Variants in NEK7 observed in about 807,000 individuals in gnomAD.
The protein encoded by NEK7 is NIMA related kinase 7.
A neutral mutation model predicts 44.6 loss-of-function variants in NEK7; 18 were observed. That is an observed-to-expected ratio of 0.40 (90% CI 0.28 to 0.60). The LOEUF (loss-of-function observed/expected upper bound fraction) is 0.60. NEK7 is among the 20% of genes least tolerant of loss of function. The pLI, the probability that NEK7 is intolerant of heterozygous loss-of-function variation, is 0.38. For synonymous variants in NEK7, 130 were observed against 121.1 expected (o/e 1.07, Z -0.48); for missense variants, 256 against 366.5 (o/e 0.70, Z 2.46).
At chr1:198,209,037 G>GTATATATATATATATATATA (rs57962708) in intron 1 of NEK7, among the ~76,000 whole-genome samples, 1 of 145,356 alleles carries the variant, frequency 6.9e-6, no homozygotes, top group Non-Finnish European at 1.5e-5. Flanking sequence ...ATGTGTGTGT[G>GTATATATATATATATATATA]TATATATATA....
chr1:198,297,051 C>T (rs559148232), intron 8 of NEK7, 76 bp from the exon 9 acceptor site: 2 of 915,766 alleles, frequency 2.2e-6, no homozygotes, highest in African/African-American at 1.7e-5. Flanking sequence ...TTTTCTACCC[C>T]CGTATAATAT....
chr1:198,318,657 T>G (rs1294453029), intron 9 of NEK7, among the ~76,000 whole-genome samples: 1 of 152,188 alleles, frequency 6.6e-6, no homozygotes, highest in Non-Finnish European at 1.5e-5. Flanking sequence ...GACACATAGT[T>G]TCATAAACTG....
At chr1:198,287,142 T>C (rs1654395915) in intron 7 of NEK7, among the ~76,000 whole-genome samples, 1 of 152,152 alleles carries the variant, frequency 6.6e-6, no homozygotes, top group Admixed American at 6.6e-5. Context: ...AGGGAGACAT[T>C]CATATCCTCC....
At chr1:198,267,079 T>G (rs1459182839) in intron 5 of NEK7, among the ~76,000 whole-genome samples, 2 of 152,108 alleles carry the variant, frequency 1.3e-5, no homozygotes, top group Non-Finnish European at 2.9e-5. Flanking sequence ...GATTGTTATG[T>G]GTCCCTCCAC....
At chr1:198,209,848 T>C (rs911927122) in intron 1 of NEK7, among the ~76,000 whole-genome samples, 1 of 152,100 alleles carries the variant, frequency 6.6e-6, no homozygotes, top group South Asian at 2.1e-4. Flanking sequence ...ATGGAGTCTC[T>C]CTCTGTCACC....
chr1:198,175,602 G>A (rs1300529812), intron 1 of NEK7, among the ~76,000 whole-genome samples: 1 of 152,208 alleles, frequency 6.6e-6, no homozygotes, highest in Non-Finnish European at 1.5e-5. Flanking sequence ...ACAGCTGAAT[G>A]ATTAGCTTAG....
intron 3 of NEK7, among the ~76,000 whole-genome samples, chr1:198,255,605 G>A (rs1430294093): frequency 6.6e-6 from 1 of 152,134 alleles, no homozygotes; most frequent in Non-Finnish European, 1.5e-5. Context: ...TTGCACAATT[G>A]TATTTCCATT....
At chr1:198,212,042 C>T (rs894835887) in intron 1 of NEK7, among the ~76,000 whole-genome samples, 3 of 152,176 alleles carry the variant, frequency 2.0e-5, no homozygotes, top group East Asian at 1.9e-4. Flanking sequence ...GAAAGGCATT[C>T]GGATGTGTCT....
At position 198,157,116 on chromosome 1, in the gene NEK7, A is replaced by G. The variant is rs897586448; in HGVS notation, c.-189A>G. The G allele has an allele frequency of 4.0e-5, 6 of 151,786 alleles. No individual in the cohort carries two copies. The highest frequency in any genetic ancestry group is 1.5e-4 in the African/African-American group (6 of 41,372). The allele number at this position is 151,786 out of a possible 1,614,324, so 9.4% of individuals were successfully genotyped here. ...CGCAGGGTGGGTGCCCCGCGCCTGC[A>G]GCGTCCGCCGGGGCGGCGCGGCGGG... On this transcript the variant is annotated 5_prime_UTR_variant, in exon 1 of 10. Transcript: ENST00000367385.
At chr1:198,214,908 G>A (rs561960126) in intron 1 of NEK7, among the ~76,000 whole-genome samples, 60 of 152,178 alleles carry the variant, frequency 3.9e-4, no homozygotes, top group Non-Finnish European at 7.5e-4. Flanking sequence ...GTGAAAAAAA[G>A]AATTCTAATA....
intron 9 of NEK7, among the ~76,000 whole-genome samples, chr1:198,317,883 T>TTTTG (rs1553258432): frequency 0.011 from 489 of 42,792 alleles, 6 homozygotes; most frequent in African/African-American, 0.068. Flanking sequence ...ATTTATTTTT[T>TTTTG]TTTTTTTTTT....
chr1:198,256,619 G>A, intron 3 of NEK7: 2 of 1,084,018 alleles, frequency 1.8e-6, no homozygotes, highest in Non-Finnish European at 1.3e-6. Context: ...GTATTTATTG[G>A]CCACCTAGTG....
At chr1:198,304,366 G>A (rs888828979) in intron 9 of NEK7, among the ~76,000 whole-genome samples, 19 of 152,176 alleles carry the variant, frequency 1.2e-4, no homozygotes, top group African/African-American at 4.3e-4. Flanking sequence ...AGTTGGATAC[G>A]CCTAATCATT....
chr1:198,183,838 T>C (rs1192518253), intron 1 of NEK7, among the ~76,000 whole-genome samples: 1 of 152,226 alleles, frequency 6.6e-6, no homozygotes, highest in Non-Finnish European at 1.5e-5. Context: ...TCGAGACGTT[T>C]TTAATGGTCT....
At chr1:198,200,041 G>T (rs1030882245) in intron 1 of NEK7, among the ~76,000 whole-genome samples, 1 of 151,878 alleles carries the variant, frequency 6.6e-6, no homozygotes, top group South Asian at 2.1e-4. Flanking sequence ...GCTACTTCTT[G>T]CCCCATTACC....
chr1:198,267,653 AG>A (rs570822186), intron 5 of NEK7, among the ~76,000 whole-genome samples: 21 of 151,946 alleles, frequency 1.4e-4, no homozygotes, highest in Non-Finnish European at 2.6e-4. Flanking sequence ...CATATTGATC[AG>A]GGTGATCTCG....
Position 198,232,765 on chromosome 1 carries a change from G to A in NEK7, c.57+128G>A, listed in dbSNP as rs145202703. On this transcript the variant is annotated intron_variant, in intron 2 of 9. Coordinates refer to ENST00000367385, the MANE Select transcript of NEK7 (RefSeq NM_133494.3). ...AAAAGTGCTAATTTTGAATTTCCAA[G>A]TTTTAATCAGCATTTTTTTTTTTTT... is the stretch of plus-strand genomic sequence containing the variant. 838 of 442,816 alleles carry A rather than the reference G, an allele frequency of 1.9e-3. 9 individuals carry two copies. The highest frequency in any genetic ancestry group is 0.019 in the African/African-American group (772 of 41,348). 27.4% of individuals were successfully genotyped at this position (442,816 alleles called of 1,614,324 possible).
intron 9 of NEK7, among the ~76,000 whole-genome samples, chr1:198,306,597 G>A (rs1042950881): frequency 2.0e-5 from 3 of 151,976 alleles, no homozygotes; most frequent in Non-Finnish European, 2.9e-5. Flanking sequence ...ATCTTAAAGT[G>A]GTATTATAAT....
rs776687699 is a variant in NEK7 at position 198,278,091 on chromosome 1, C to A, written c.481+22C>A. 4.0e-6 allele frequency: 5 copies of A among 1,235,786 alleles called. No homozygotes were observed. In the East Asian group the frequency reaches 1.2e-4, roughly 29 times the overall value. 76.6% of individuals were successfully genotyped at this position (1,235,786 alleles called of 1,614,324 possible). The stretch of plus-strand genomic sequence containing the variant: ...AGAGGTAAGATAAAATCATTAAGTA[C>A]TTTTAATCTTGTTTTAAATGATGTA... On this transcript the variant is annotated intron_variant, in intron 6 of 9. Coordinates refer to ENST00000367385, the MANE Select transcript of NEK7 (RefSeq NM_133494.3).
Sources: allele counts gnomAD v4.1 joint callset (sites outside exome capture counted in the v4.1 genomes callset), GRCh38; gene constraint gnomAD v4.1.1; transcripts MANE v1.5; gene names NCBI Gene and HGNC (gene_info 2026-07-23, HGNC 2026-07-21).